Variants in IQGAP2 observed in about 807,000 individuals in gnomAD.
IQGAP2 encodes the protein IQ motif containing GTPase activating protein 2, also known as ras GTPase-activating-like protein IQGAP2.
Under a neutral mutation model 201.3 loss-of-function variants are expected in IQGAP2, and 173 were observed. That is an observed-to-expected ratio of 0.86 (90% CI 0.76 to 0.98). IQGAP2 has a LOEUF of 0.98. Ranked by LOEUF, IQGAP2 falls within the 50% of genes least tolerant of loss-of-function variation. IQGAP2 has a pLI of 0.00. For missense variants in IQGAP2, 1,687 were observed against 1,864.8 expected (o/e 0.90, Z 1.76); for synonymous variants, 675 against 673.9 (o/e 1.00, Z -0.03).
chr5:76,686,340 T>TTTTG (rs1017705200), intron 30 of IQGAP2, among the ~76,000 whole-genome samples: 2 of 140,000 alleles, frequency 1.4e-5, no homozygotes, highest in Non-Finnish European at 3.1e-5. Flanking sequence ...ATCTGTTTTT[T>TTTTG]TTGTTGTTGT....
intron 28 of IQGAP2, among the ~76,000 whole-genome samples, chr5:76,682,102 T>C (rs1331961915): frequency 6.6e-6 from 1 of 152,178 alleles, no homozygotes; most frequent in Non-Finnish European, 1.5e-5. Flanking sequence ...CGGTATCTTT[T>C]AGGGCAGTGA....
intron 1 of IQGAP2, among the ~76,000 whole-genome samples, chr5:76,417,806 T>G (rs1047752363): frequency 6.6e-6 from 1 of 151,958 alleles, no homozygotes; most frequent in Non-Finnish European, 1.5e-5. Context: ...GGTCTTGAAC[T>G]CCTGAGCTCA....
chr5:76,406,544 A>T (rs1449400693), intron 1 of IQGAP2, among the ~76,000 whole-genome samples: 1 of 152,242 alleles, frequency 6.6e-6, no homozygotes, highest in Non-Finnish European at 1.5e-5. Context: ...TTCTATACTC[A>T]ACCAAATTAA....
chr5:76,404,386 T>C, intron 1 of IQGAP2: 1 of 842,088 alleles, frequency 1.2e-6, no homozygotes, highest in Non-Finnish European at 1.4e-6. Context: ...ATGTGCAGAG[T>C]TCAGAGTCCT....
chr5:76,647,770 G>A lies in IQGAP2; in HGVS notation c.2095-4980G>A, dbSNP rs1230999895. ...AGCCAAAGGACCAAGAAAGAAACAG[G>A]CTAGCAAGACAGAAATAATTTCAGA... On this transcript the variant is annotated intron_variant, in intron 17 of 35. Coordinates refer to ENST00000274364, the MANE Select transcript of IQGAP2 (RefSeq NM_006633.5). Among the ~76,000 whole-genome samples the A allele has an allele frequency of 2.0e-5, 3 of 151,816 alleles. No homozygotes were observed. The East Asian group carries it at 5.8e-4, about 30-fold the overall frequency.
At chr5:76,629,467 A>C (rs1462047571) in intron 14 of IQGAP2, among the ~76,000 whole-genome samples, 1 of 152,220 alleles carries the variant, frequency 6.6e-6, no homozygotes, top group African/African-American at 2.4e-5. Flanking sequence ...TAGTGTTCAC[A>C]TTCACTGGAG....
In IQGAP2 at chr5:76,459,169, A is replaced by G. The variant is rs1580237282; in HGVS notation, c.47-2401A>G. Among the ~76,000 whole-genome samples, 3 of 152,206 alleles carry G rather than the reference A, an allele frequency of 2.0e-5. No homozygotes were observed. The East Asian group carries it at 5.8e-4, about 29-fold the overall frequency. ...TAAAATCTCTTATTTGGACAGGATG[A>G]TAACAGAGTTTGGGAGCCCCTCAGC... On this transcript the variant is annotated intron_variant, in intron 1 of 35. Coordinates refer to ENST00000274364, the MANE Select transcript of IQGAP2 (RefSeq NM_006633.5).
chr5:76,486,637 A>AT (rs67220703), intron 2 of IQGAP2, among the ~76,000 whole-genome samples: 8 of 151,816 alleles, frequency 5.3e-5, no homozygotes, highest in South Asian at 4.2e-4. Flanking sequence ...CAATTCAGTG[A>AT]TTTTTTTTTT....
chr5:76,532,788 C>G (rs1247712968), intron 2 of IQGAP2, among the ~76,000 whole-genome samples: 2 of 152,182 alleles, frequency 1.3e-5, no homozygotes, highest in Admixed American at 1.3e-4. Flanking sequence ...GCACTCTTTG[C>G]CCCAACACCC....
intron 5 of IQGAP2, among the ~76,000 whole-genome samples, chr5:76,576,441 A>G (rs1745479281): frequency 6.6e-6 from 1 of 152,234 alleles, no homozygotes. Flanking sequence ...AACAAAGATT[A>G]TTCTAAAAAT....
intron 13 of IQGAP2, among the ~76,000 whole-genome samples, chr5:76,623,909 G>A (rs893302371): frequency 1.4e-5 from 2 of 147,686 alleles, no homozygotes; most frequent in African/African-American, 2.5e-5. Context: ...GTTTTTCTTC[G>A]CCGGGTGAGG....
chr5:76,435,272 C>T (rs910235196), intron 1 of IQGAP2, among the ~76,000 whole-genome samples: 7 of 151,972 alleles, frequency 4.6e-5, no homozygotes, highest in African/African-American at 1.5e-4. Context: ...AATTCTTTGC[C>T]TAGGCCAATG....
intron 2 of IQGAP2, among the ~76,000 whole-genome samples, chr5:76,540,382 A>AT (rs1742680461): frequency 6.6e-6 from 1 of 152,144 alleles, no homozygotes. Flanking sequence ...GAGTATGGAA[A>AT]CTAGATCATC....
chr5:76,602,437 CCT>C (rs1315289292), intron 11 of IQGAP2, among the ~76,000 whole-genome samples: 1 of 152,192 alleles, frequency 6.6e-6, no homozygotes, highest in Non-Finnish European at 1.5e-5. Flanking sequence ...ATCAAAAATG[CCT>C]GCTTCTTCAT....
intron 1 of IQGAP2, among the ~76,000 whole-genome samples, chr5:76,450,667 G>A (rs1753685156): frequency 6.6e-6 from 1 of 152,150 alleles, no homozygotes; most frequent in African/African-American, 2.4e-5. Flanking sequence ...GCTGCTTGCT[G>A]TTGGCACCAT....
intron 1 of IQGAP2, among the ~76,000 whole-genome samples, chr5:76,428,437 CTTTTTTTTTT>C (rs1003388325): frequency 7.4e-6 from 1 of 135,706 alleles, no homozygotes; most frequent in Non-Finnish European, 1.6e-5. Flanking sequence ...ATCCTTTTTT[CTTTTTTTTTT>C]TTTTTTTGAG....
chr5:76,587,860 C>G (rs143039063), intron 5 of IQGAP2, among the ~76,000 whole-genome samples: 1 of 151,164 alleles, frequency 6.6e-6, no homozygotes, highest in African/African-American at 2.4e-5. Context: ...GCAGGAGAAT[C>G]GCTTGAACCC....
chr5:76,516,783 A>G lies in IQGAP2; in HGVS notation c.147-45613A>G, dbSNP rs146684016. Among the ~76,000 whole-genome samples the G allele has an allele frequency of 1.7e-3, 253 of 152,336 alleles. 2 individuals carry two copies. Among genetic ancestry groups the G allele is most frequent in the South Asian group, 0.013 (65 of 4,826 alleles). On this transcript the variant is annotated intron_variant, in intron 2 of 35. Transcript: ENST00000274364. ...AATTTACACATGGATTTTCTTTGCA[A>G]GTTATGTGCTTCACAGAGAAGAAAG...
chr5:76,419,333 TTTTTG>T (rs59552965), intron 1 of IQGAP2, among the ~76,000 whole-genome samples: 1 of 150,324 alleles, frequency 6.7e-6, no homozygotes, highest in Admixed American at 6.6e-5. Context: ...TCACTAGGGT[TTTTTG>T]TTTTGTTTTG....
Sources: allele counts gnomAD v4.1 joint callset (sites outside exome capture counted in the v4.1 genomes callset), GRCh38; gene constraint gnomAD v4.1.1; transcripts MANE v1.5; gene names NCBI Gene and HGNC (gene_info 2026-07-23, HGNC 2026-07-21).